The following FAM184B variants were observed in gnomAD, a reference collection of about 807,000 sequenced individuals.
FAM184B encodes the protein protein FAM184B.
FAM184B carries 111 observed loss-of-function variants against 135.9 expected under a neutral mutation model. The observed-to-expected ratio is 0.82, with a 90% CI of 0.70 to 0.96. The LOEUF is 0.96. Ranked by LOEUF, FAM184B falls within the 40% of genes least tolerant of loss-of-function variation. The pLI is 0.00. For synonymous variants in FAM184B, 552 were observed against 524.8 expected (o/e 1.05, Z -0.71); for missense variants, 1,375 against 1,323.9 (o/e 1.04, Z -0.60).
chr4:17,751,306 C>CA (rs71167334), intron 1 of FAM184B, among the ~76,000 whole-genome samples: 1,756 of 91,632 alleles, frequency 0.019, 23 homozygotes, highest in African/African-American at 0.024. Flanking sequence ...GACTCTGTCT[C>CA]AAAAAAAAAA....
At chr4:17,662,021 C>T (rs946153861) in intron 8 of FAM184B, among the ~76,000 whole-genome samples, 1 of 152,206 alleles carries the variant, frequency 6.6e-6, no homozygotes, top group Non-Finnish European at 1.5e-5. Flanking sequence ...ACTTCCCTTG[C>T]AGCCAAAGCT....
intron 8 of FAM184B, 74 bp downstream of exon 8, chr4:17,664,488 A>G: frequency 6.0e-6 from 7 of 1,165,618 alleles, no homozygotes; most frequent in South Asian, 5.6e-5. Context: ...GATAGAATGA[A>G]TGAATGGATG....
At chr4:17,731,800 C>T (rs1028107072) in intron 1 of FAM184B, among the ~76,000 whole-genome samples, 40 of 151,890 alleles carry the variant, frequency 2.6e-4, no homozygotes, top group African/African-American at 8.7e-4. Context: ...AAAAAGGATA[C>T]CCAGGAATTG....
chr4:17,667,609 C>T (rs979021713), intron 7 of FAM184B, among the ~76,000 whole-genome samples: 3 of 152,192 alleles, frequency 2.0e-5, no homozygotes, highest in Non-Finnish European at 4.4e-5. Context: ...TCTGCTCTGC[C>T]TCCCGCAGCT....
At chr4:17,650,363 G>A (rs1004094186) in intron 11 of FAM184B, among the ~76,000 whole-genome samples, 1 of 152,192 alleles carries the variant, frequency 6.6e-6, no homozygotes, top group African/African-American at 2.4e-5. Context: ...CATTACTGTA[G>A]GTGCTTGCAC....
chr4:17,751,306 C>CAAAAA (rs71167334), intron 1 of FAM184B, among the ~76,000 whole-genome samples: 2 of 91,810 alleles, frequency 2.2e-5, no homozygotes, highest in African/African-American at 4.5e-5. Flanking sequence ...GACTCTGTCT[C>CAAAAA]AAAAAAAAAA....
At chr4:17,652,543 A>G (rs945216953) in intron 11 of FAM184B, among the ~76,000 whole-genome samples, 1 of 152,202 alleles carries the variant, frequency 6.6e-6, no homozygotes, top group Non-Finnish European at 1.5e-5. Flanking sequence ...TTTCACAGCT[A>G]GTTGGTGGCA....
chr4:17,759,252 T>C (rs1718489240), intron 1 of FAM184B, among the ~76,000 whole-genome samples: 1 of 152,194 alleles, frequency 6.6e-6, no homozygotes, highest in Non-Finnish European at 1.5e-5. Flanking sequence ...GATTGGTTGT[T>C]CTCATGATAG....
intron 7 of FAM184B, among the ~76,000 whole-genome samples, chr4:17,687,932 C>G (rs554521891): frequency 6.6e-6 from 1 of 152,292 alleles, no homozygotes; most frequent in African/African-American, 2.4e-5. Flanking sequence ...AACAATCCAA[C>G]CCACCGTGAG....
chr4:17,709,831 C>T (rs1247164326), intron 1 of FAM184B, among the ~76,000 whole-genome samples, 187 bp from the exon 2 acceptor site: 1 of 152,110 alleles, frequency 6.6e-6, no homozygotes, highest in Non-Finnish European at 1.5e-5. Context: ...CTGCAAAGTG[C>T]GACAGGGAAG....
rs1717980699 is a variant in FAM184B at position 17,739,555 on chromosome 4, G to GTTTTTTCTTTTTTTT, written c.142-29912_142-29911insAAAAAAAAGAAAAAA. Among the ~76,000 whole-genome samples, 10 of 62,510 alleles carry GTTTTTTCTTTTTTTT rather than the reference G, an allele frequency of 1.6e-4. 1 individual carries two copies. The highest frequency in any genetic ancestry group is 6.2e-4 in the African/African-American group (10 of 16,254). 41.0% of individuals were successfully genotyped at this position (62,510 alleles called of 152,430 possible). A position where few individuals can be genotyped will look rare whatever the true frequency, so the allele number is the denominator to read the frequency against. On this transcript the variant is annotated intron_variant, in intron 1 of 17. Transcript: ENST00000265018. ...CCCTACACCATATGTCATACCAACTGTTTTTTTTTTTTTTTTGAGATGGGG... is the reference window on the plus strand; with the variant it reads ...CCCTACACCATATGTCATACCAACTGTTTTTTCTTTTTTTTTTTTTTTTTTTTTTTTGAGATGGGG...
At chr4:17,767,483 CAG>C (rs1718727150) in intron 1 of FAM184B, among the ~76,000 whole-genome samples, 1 of 152,208 alleles carries the variant, frequency 6.6e-6, no homozygotes, top group Non-Finnish European at 1.5e-5. Flanking sequence ...TTACATGTGA[CAG>C]AGAAGTGAAA....
At chr4:17,758,806 A>G (rs541773355) in intron 1 of FAM184B, among the ~76,000 whole-genome samples, 23 of 152,260 alleles carry the variant, frequency 1.5e-4, no homozygotes, top group African/African-American at 5.5e-4. Flanking sequence ...AAGCACTGGC[A>G]CATCGATCGT....
At chr4:17,689,704 A>G (rs1716676901) in intron 6 of FAM184B, among the ~76,000 whole-genome samples, 1 of 152,062 alleles carries the variant, frequency 6.6e-6, no homozygotes, top group Non-Finnish European at 1.5e-5. Context: ...GCTGGTCTCA[A>G]ACTCCTAGGC....
chr4:17,642,557 G>T (rs1577243323), intron 12 of FAM184B, among the ~76,000 whole-genome samples: 1 of 152,100 alleles, frequency 6.6e-6, no homozygotes, highest in East Asian at 1.9e-4. Flanking sequence ...TTCCCTCCGT[G>T]AAGTTAAGTG....
intron 1 of FAM184B, among the ~76,000 whole-genome samples, chr4:17,758,243 G>A (rs568178116): frequency 3.9e-5 from 6 of 152,128 alleles, no homozygotes; most frequent in Non-Finnish European, 8.8e-5. Flanking sequence ...ATTATATATT[G>A]TTTTTTACAG....
At chr4:17,663,716 T>C (rs929285282) in intron 8 of FAM184B, among the ~76,000 whole-genome samples, 2 of 151,536 alleles carry the variant, frequency 1.3e-5, no homozygotes, top group Non-Finnish European at 2.9e-5. Flanking sequence ...GTCCTGCTGA[T>C]ATGGTTAGGT....
intron 4 of FAM184B, among the ~76,000 whole-genome samples, chr4:17,705,498 G>A (rs748588148): frequency 2.0e-5 from 3 of 152,226 alleles, no homozygotes; most frequent in Admixed American, 6.5e-5. Context: ...CATGCAATGA[G>A]ATCCTAAGCC....
At chr4:17,718,049 C>T (rs888935046) in intron 1 of FAM184B, among the ~76,000 whole-genome samples, 7 of 152,154 alleles carry the variant, frequency 4.6e-5, no homozygotes, top group Non-Finnish European at 1.0e-4. Flanking sequence ...TAATAGAACT[C>T]CACCTTTTTC....
Sources: gnomAD v4.1 joint callset for allele counts (sites outside exome capture counted in the v4.1 genomes callset) on GRCh38, gnomAD v4.1.1 for gene constraint, MANE v1.5 for transcripts, NCBI Gene and HGNC (gene_info 2026-07-23, HGNC 2026-07-21) for gene names.